Variants in SP1 observed in about 807,000 individuals in gnomAD.
SP1 encodes transcription factor Sp1.
In SP1, 6 loss-of-function variants were observed where a neutral mutation model predicts 66.3. That is an observed-to-expected ratio of 0.09 (90% CI 0.05 to 0.18). The LOEUF (loss-of-function observed/expected upper bound fraction) is 0.18, where lower values mean the gene tolerates loss of function less well. Among genes scored for constraint, SP1 ranks in the 10% least tolerant of loss-of-function variants. The probability of loss-of-function intolerance (pLI) is 1.00; values close to 1 mark genes in which losing one functional copy is unlikely to be tolerated. For synonymous variants in SP1, 417 were observed against 360.8 expected (o/e 1.16, Z -1.77); for missense variants, 848 against 964.5 (o/e 0.88, Z 1.60).
rs868151731 is a variant in SP1, at chr12:53,412,488, T to A, written c.*1248T>A. 1 of 152,646 alleles carries A rather than the reference T, an allele frequency of 6.6e-6. No homozygotes were observed. The allele number at this position is 152,646 out of a possible 1,614,324, so 9.5% of individuals were successfully genotyped here. ...TTTGAACATCCCCACTAGGTTCTTT[T>A]CCATTGTCAATAAGGAGCATCAGCC... On this transcript the variant is annotated 3_prime_UTR_variant, in exon 6 of 6. Transcript: ENST00000327443.
intron 3 of SP1, among the ~76,000 whole-genome samples, chr12:53,390,511 C>T (rs1175214242): frequency 2.6e-5 from 4 of 151,996 alleles, no homozygotes; most frequent in Non-Finnish European, 5.9e-5. Flanking sequence ...GGTGAAACCC[C>T]GTCTCTACTA....
At chr12:53,380,416 G>A in intron 1 of SP1, 118 bp downstream of exon 1, 1 of 931,488 alleles carries the variant, frequency 1.1e-6, no homozygotes, top group Non-Finnish European at 1.5e-6. Flanking sequence ...CGGCGGCGGC[G>A]GCCTAGGTCC....
intron 4 of SP1, among the ~76,000 whole-genome samples, chr12:53,407,575 C>T (rs1008575784): frequency 2.0e-5 from 3 of 151,698 alleles, no homozygotes; most frequent in East Asian, 1.9e-4. Flanking sequence ...CTGCCCACCT[C>T]GGCCTCCCAA....
rs1486113423 is a variant in SP1 at position 53,381,828 on chromosome 12, T to C, written c.162+15T>C. The C allele has an allele frequency of 3.7e-6, 6 of 1,607,532 alleles. No homozygotes were observed. The East Asian group carries it at 6.7e-5, about 18-fold the overall frequency. ...GAGGAGGGCAGGTAAGTGATAATCA[T>C]AGAGTGGGGAAGGTGTTGAGAAGAT... On this transcript the variant is annotated intron_variant, in intron 2 of 5. Coordinates refer to ENST00000327443, the MANE Select transcript of SP1 (RefSeq NM_138473.3).
rs1362952104 is a variant in SP1 at position 53,384,131 on chromosome 12, G to A, written c.1675+509G>A. Among the ~76,000 whole-genome samples the A allele has an allele frequency of 2.6e-5, 4 of 151,350 alleles. 1 individual carries two copies. Among genetic ancestry groups the A allele is most frequent in the African/African-American group, 9.7e-5 (4 of 41,318 alleles). On this transcript the variant is annotated intron_variant, in intron 3 of 5. Transcript: ENST00000327443. The stretch of plus-strand genomic sequence containing the variant: ...ACTACAGGTGCCTGCCACCACGCCC[G>A]GGTAATTTTTTGTATTTTTAGTAGA...
At position 53,399,039 on chromosome 12, in the gene SP1, A is replaced by G. The variant is rs548957616; in HGVS notation, c.1676-7546A>G. Reference sequence around the variant, plus strand: ...CAGTGCTTCGTAACCATTTTCACTGACCACTGTGTCATGAACATCTTTTCT... The same window carrying G: ...CAGTGCTTCGTAACCATTTTCACTGGCCACTGTGTCATGAACATCTTTTCT... On this transcript the variant is annotated intron_variant, in intron 3 of 5. Transcript: ENST00000327443. 6.6e-5 allele frequency among the ~76,000 whole-genome samples: 10 copies of G among 152,306 alleles called. No individual in the cohort carries two copies. In the South Asian group the frequency reaches 2.1e-3, roughly 32 times the overall value.
Position 53,412,411 on chromosome 12 carries a change from A to C in SP1, c.*1171A>C, listed in dbSNP as rs561406711. On this transcript the variant is annotated 3_prime_UTR_variant, in exon 6 of 6. Transcript: ENST00000327443. Reference sequence around the variant, plus strand: ...ACTGCTGTCTTCCAAGGTAGCTCTAAGTTTTGATGTGTGGGCTTCTGAGTT... The same window carrying C: ...ACTGCTGTCTTCCAAGGTAGCTCTACGTTTTGATGTGTGGGCTTCTGAGTT... 1.3e-5 allele frequency: 2 copies of C among 152,716 alleles called. No homozygotes were observed. The highest frequency in any genetic ancestry group is 2.1e-4 in the South Asian group (1 of 4,820). The allele number at this position is 152,716 out of a possible 1,614,324, so 9.5% of individuals were successfully genotyped here. A position where few individuals can be genotyped will look rare whatever the true frequency, so the allele number is the denominator to read the frequency against.
At chr12:53,406,288 T>C (rs905281202) in intron 3 of SP1, among the ~76,000 whole-genome samples, 2 of 152,012 alleles carry the variant, frequency 1.3e-5, no homozygotes, top group African/African-American at 4.8e-5. Context: ...AGACTGGTCT[T>C]GAACTCCTGA....
At chr12:53,407,827 G>A (rs1258669057) in intron 4 of SP1, among the ~76,000 whole-genome samples, 1 of 147,338 alleles carries the variant, frequency 6.8e-6, no homozygotes, top group African/African-American at 2.5e-5. Context: ...TAGTAGAGAC[G>A]GGGTTTCACC....
At chr12:53,392,574 G>A (rs531901342) in intron 3 of SP1, among the ~76,000 whole-genome samples, 1 of 151,292 alleles carries the variant, frequency 6.6e-6, no homozygotes, top group Non-Finnish European at 1.5e-5. Context: ...AGCCGGGATG[G>A]TCTCGATCTC....
Position 53,411,145 on chromosome 12 carries a change from T to G in SP1, c.2263T>G (p.Cys755Gly). ...CAATATGGTAGCCATGGAGGCCATC[T>G]GTCCAGAGGGCATTGCCCGTCTTGC... Reference protein sequence around the residue: ...TTNMVAMEAICPEGIARLANS... With the variant: ...TTNMVAMEAIGPEGIARLANS... The change falls in exon 6 of 6, where the codon TGT becomes GGT. Residue 755 changes from cysteine (C) to glycine (G), a missense_variant. Transcript: ENST00000327443. 6.2e-7 allele frequency: 1 copy of G among 1,614,212 alleles called. No individual in the cohort carries two copies. Among genetic ancestry groups the G allele is most frequent in the Non-Finnish European group, 8.5e-7 (1 of 1,180,038 alleles).
In SP1 at chr12:53,383,075, T is replaced by G. The variant is rs773297185; in HGVS notation, c.1128T>G (p.Ser376=). The part of the protein sequence containing the change: ...DALNIQQNQT[S]GGSLQAGQQK... The stretch of plus-strand genomic sequence containing the variant: ...TGAACATCCAGCAAAACCAGACATC[T>G]GGAGGCTCATTGCAAGCAGGCCAGC... Residue 376 remains serine (S), a synonymous_variant, in exon 3 of 6, where the codon TCT becomes TCG. Coordinates refer to ENST00000327443, the MANE Select transcript of SP1 (RefSeq NM_138473.3). The G allele has an allele frequency of 1.9e-6, 3 of 1,614,134 alleles. No homozygotes were observed. In the Admixed American group the frequency reaches 5.0e-5, roughly 27 times the overall value.
rs113047799 is a variant in SP1 at position 53,381,902 on chromosome 12, G to A, written c.162+89G>A. The A allele has an allele frequency of 1.4e-4, 200 of 1,461,528 alleles. 1 individual carries two copies. The African/African-American group carries it at 2.0e-3, about 15-fold the overall frequency. The allele number at this position is 1,461,528 out of a possible 1,614,324, so 90.5% of individuals were successfully genotyped here. A position where few individuals can be genotyped will look rare whatever the true frequency, so the allele number is the denominator to read the frequency against. The stretch of plus-strand genomic sequence containing the variant: ...TTACTCTTCACAGAAAGCGTTTTAG[G>A]GAGAGACTAAACCATTTTATAGATA... On this transcript the variant is annotated intron_variant, in intron 2 of 5. Transcript: ENST00000327443.
In SP1 at chr12:53,386,785, G is replaced by A. The variant is rs531293527; in HGVS notation, c.1675+3163G>A. On this transcript the variant is annotated intron_variant, in intron 3 of 5. Transcript: ENST00000327443. Reference sequence around the variant, plus strand: ...ATTACAGGTGTGAGCCACTATGCCCGGCCTGACTTTATCATTTTAAATTCC... The same window carrying A: ...ATTACAGGTGTGAGCCACTATGCCCAGCCTGACTTTATCATTTTAAATTCC... Among the ~76,000 whole-genome samples, 176 of 151,922 alleles carry A rather than the reference G, an allele frequency of 1.2e-3. 1 individual carries two copies. The highest frequency in any genetic ancestry group is 3.5e-4 in the Non-Finnish European group (24 of 67,968).
chr12:53,404,256 G>A (rs1048606751), intron 3 of SP1, among the ~76,000 whole-genome samples: 4 of 151,650 alleles, frequency 2.6e-5, no homozygotes, highest in Non-Finnish European at 5.9e-5. Context: ...ATTATCAGCC[G>A]GGTGCGGTGA....
intron 3 of SP1, among the ~76,000 whole-genome samples, chr12:53,386,849 G>A (rs61928096): frequency 0.022 from 3,264 of 151,510 alleles, 58 homozygotes; most frequent in Non-Finnish European, 0.037. Flanking sequence ...ACAATAAAAG[G>A]ATACACATAC....
intron 3 of SP1, among the ~76,000 whole-genome samples, chr12:53,384,858 G>C (rs1938190673): frequency 6.6e-6 from 1 of 152,102 alleles, no homozygotes; most frequent in African/African-American, 2.4e-5. Flanking sequence ...GGTGGTACAT[G>C]CCTATGGGCC....
chr12:53,406,529 A>G, intron 3 of SP1, 56 bp from the exon 4 acceptor site: 1 of 1,449,122 alleles, frequency 6.9e-7, no homozygotes, highest in African/African-American at 1.4e-5. Context: ...TATCACTGAG[A>G]TGCCAGTGAT....
chr12:53,407,387 G>A lies in SP1; in HGVS notation c.1844+634G>A, dbSNP rs186974919. Among the ~76,000 whole-genome samples, 668 of 151,702 alleles carry A rather than the reference G, an allele frequency of 4.4e-3. 7 individuals are homozygous for A. The highest frequency in any genetic ancestry group is 0.016 in the African/African-American group (646 of 41,290). On this transcript the variant is annotated intron_variant, in intron 4 of 5. Coordinates refer to ENST00000327443, the MANE Select transcript of SP1 (RefSeq NM_138473.3). ...GTGTTTCCCAGGCTGGAGTGCAGTG[G>A]CACATTCTTGGCTCACTGCAACCTC...
Sources: allele counts gnomAD v4.1 joint callset (sites outside exome capture counted in the v4.1 genomes callset), GRCh38; gene constraint gnomAD v4.1.1; transcripts MANE v1.5; gene names NCBI Gene and HGNC (gene_info 2026-07-23, HGNC 2026-07-21).